Variants in ENTPD1 observed in about 807,000 individuals in gnomAD.
The protein encoded by ENTPD1 is ATP diphosphohydrolase.
A neutral mutation model predicts 57.0 loss-of-function variants in ENTPD1; 33 were observed. The observed-to-expected ratio is 0.58, with a 90% confidence interval of 0.44 to 0.77. ENTPD1 has a LOEUF of 0.77. ENTPD1 is among the 30% of genes least tolerant of loss of function. ENTPD1 has a pLI of 0.00. For missense variants in ENTPD1, 501 were observed against 603.4 expected, an observed-to-expected ratio of 0.83 and a Z score of 1.78; for synonymous variants, 202 against 218.8, an observed-to-expected ratio of 0.92 and a Z score of 0.68.
chr10:95,789,128 A>G (rs372355235), intron 1 of ENTPD1, among the ~76,000 whole-genome samples: 6 of 152,324 alleles, frequency 3.9e-5, no homozygotes, highest in African/African-American at 1.4e-4. Context: ...CATCTAGAAA[A>G]ATGGAGTTCA....
chr10:95,844,784 C>T lies in ENTPD1; in HGVS notation c.573+149C>T. ...GACTGGATGAATGAATTTACTCTCA[C>T]ATTTGTAAGGGTCACCAGAGGTATA... On this transcript the variant is annotated intron_variant, in intron 5 of 9. Coordinates refer to ENST00000371205, the MANE Select transcript of ENTPD1 (RefSeq NM_001776.6). The T allele has an allele frequency of 3.9e-6, 4 of 1,017,084 alleles. No homozygotes were observed. In the South Asian group the frequency reaches 5.2e-5, roughly 13 times the overall value. The allele number at this position is 1,017,084 out of a possible 1,614,324, so 63.0% of individuals were successfully genotyped here.
chr10:95,787,361 C>T (rs1273387129), intron 1 of ENTPD1, among the ~76,000 whole-genome samples: 1 of 152,090 alleles, frequency 6.6e-6, no homozygotes, highest in South Asian at 2.1e-4. Context: ...TACAAGAGGG[C>T]TTGGAAGGAT....
At chr10:95,837,615 T>G (rs2098413080) in intron 2 of ENTPD1, among the ~76,000 whole-genome samples, 2 of 152,186 alleles carry the variant, frequency 1.3e-5, no homozygotes, top group Non-Finnish European at 2.9e-5. Context: ...AAGAGAACAC[T>G]GTGGAGGTTA....
At position 95,866,353 on chromosome 10, in the gene ENTPD1, G is replaced by A. The variant is rs750517800; in HGVS notation, c.1503G>A (p.Lys501=). The A allele has an allele frequency of 1.9e-6, 3 of 1,613,920 alleles. No individual in the cohort carries two copies. In the Admixed American group the frequency reaches 5.0e-5, roughly 27 times the overall value. ...TCATAGGCTTGCTTATCTTTCACAA[G>A]CCTTCATATTTCTGGAAAGATATGG... The part of the protein sequence containing the change: ...VAIIGLLIFH[K]PSYFWKDMV The change falls in exon 10 of 10, where the codon AAG becomes AAA. Residue 501 remains lysine (K), a synonymous_variant. Transcript: ENST00000371205.
At chr10:95,698,861 T>C in the ENTPD1 span, among the ~76,000 whole-genome samples, 1 of 152,232 alleles carries the variant, frequency 6.6e-6, no homozygotes, top group East Asian at 1.9e-4. Flanking sequence ...CATTTTCTTC[T>C]TCAAAAACCC....
intron 1 of ENTPD1, among the ~76,000 whole-genome samples, chr10:95,813,665 T>C (rs1296316192): frequency 6.6e-6 from 1 of 152,186 alleles, no homozygotes; most frequent in Non-Finnish European, 1.5e-5. Context: ...TCAAGGTTTC[T>C]CTGGGGTCCC....
chr10:95,860,778 G>A (rs370453934), intron 8 of ENTPD1, among the ~76,000 whole-genome samples, 196 bp downstream of exon 8: 49 of 152,136 alleles, frequency 3.2e-4, no homozygotes, highest in African/African-American at 1.2e-3. Flanking sequence ...GCTTAAATAA[G>A]ATCTTATTTT....
chr10:95,772,756 G>C (rs2098119808), intron 1 of ENTPD1, among the ~76,000 whole-genome samples: 1 of 152,140 alleles, frequency 6.6e-6, no homozygotes, highest in South Asian at 2.1e-4. Context: ...ACCTAGAATG[G>C]TAATTTTTGT....
At chr10:95,825,453 A>G (rs2098371314) in intron 2 of ENTPD1, among the ~76,000 whole-genome samples, 2 of 152,368 alleles carry the variant, frequency 1.3e-5, no homozygotes, top group African/African-American at 4.8e-5. Flanking sequence ...TGGTTTGAGT[A>G]GTTTATTGAA....
intron 1 of ENTPD1, among the ~76,000 whole-genome samples, chr10:95,761,929 G>T: frequency 6.6e-6 from 1 of 152,224 alleles, no homozygotes; most frequent in East Asian, 1.9e-4. Context: ...CTCTGCAGAA[G>T]AAAGGTGGGA....
chr10:95,864,692 C>A (rs767315127), intron 8 of ENTPD1, 32 bp from the exon 9 acceptor site: 1 of 1,613,822 alleles, frequency 6.2e-7, no homozygotes. Context: ...GCCTATCATA[C>A]GAGTATGATC....
chr10:95,726,670 G>A (rs1353260679), intron 1 of ENTPD1, among the ~76,000 whole-genome samples: 1 of 152,182 alleles, frequency 6.6e-6, no homozygotes, highest in Non-Finnish European at 1.5e-5. Flanking sequence ...TAAAAGTAAA[G>A]TGTTGTTTCT....
chr10:95,778,134 G>A (rs150125199), intron 1 of ENTPD1, among the ~76,000 whole-genome samples: 35 of 152,254 alleles, frequency 2.3e-4, no homozygotes, highest in Non-Finnish European at 2.4e-4. Context: ...GCTTCAGCTC[G>A]TCCTCCATGG....
chr10:95,817,903 A>G (rs1380996245), intron 1 of ENTPD1, among the ~76,000 whole-genome samples: 3 of 152,228 alleles, frequency 2.0e-5, no homozygotes, highest in African/African-American at 7.2e-5. Context: ...GGGCAGGTCT[A>G]GTTCATAGTA....
At chr10:95,808,518 T>C (rs1328488627) in intron 1 of ENTPD1, among the ~76,000 whole-genome samples, 1 of 152,162 alleles carries the variant, frequency 6.6e-6, no homozygotes, top group Non-Finnish European at 1.5e-5. Flanking sequence ...ATTTTTTACC[T>C]TGTAGAAAAA....
intron 8 of ENTPD1, among the ~76,000 whole-genome samples, chr10:95,863,673 C>T (rs1341584649): frequency 2.0e-5 from 3 of 152,084 alleles, no homozygotes; most frequent in East Asian, 1.9e-4. Flanking sequence ...CCCCAGCCAG[C>T]GGTTAGGATT....
chr10:95,847,388 G>A, intron 6 of ENTPD1, 58 bp from the exon 7 acceptor site: 1 of 1,605,782 alleles, frequency 6.2e-7, no homozygotes, highest in African/African-American at 1.3e-5. Context: ...AAGTCAGACT[G>A]TACCTTTTGT....
chr10:95,731,200 G>A (rs775208412), intron 1 of ENTPD1, among the ~76,000 whole-genome samples: 2 of 152,194 alleles, frequency 1.3e-5, no homozygotes, highest in African/African-American at 4.8e-5. Context: ...TGGATATTCT[G>A]TATTCATTCT....
At chr10:95,864,593 G>T in intron 8 of ENTPD1, 131 bp from the exon 9 acceptor site, 4 of 1,264,482 alleles carry the variant, frequency 3.2e-6, no homozygotes, top group Non-Finnish European at 4.5e-6. Flanking sequence ...AAAACCCTCT[G>T]GAAGAGGCCA....
Sources: allele counts gnomAD v4.1 joint callset (sites outside exome capture counted in the v4.1 genomes callset), GRCh38; gene constraint gnomAD v4.1.1; transcripts MANE v1.5; gene names NCBI Gene and HGNC (gene_info 2026-07-23, HGNC 2026-07-21).